Variants in AGAP1 observed in about 807,000 individuals in gnomAD.
AGAP1 encodes the protein ArfGAP with GTPase domain, ankyrin repeat and PH domain 1.
A neutral mutation model predicts 105.3 loss-of-function variants in AGAP1; 29 were observed. The observed-to-expected ratio is 0.28, with a 90% CI of 0.21 to 0.38. The LOEUF (loss-of-function observed/expected upper bound fraction) is 0.38. Ranked by LOEUF, AGAP1 falls within the 10% of genes least tolerant of loss-of-function variation. The pLI is 1.00. For synonymous variants in AGAP1, 509 were observed against 485.9 expected, an observed-to-expected ratio of 1.05 and a Z score of -0.63; for missense variants, 998 against 1,165.1, an observed-to-expected ratio of 0.86 and a Z score of 2.09.
chr2:235,682,715 C>T (rs1949145289), intron 1 of AGAP1, among the ~76,000 whole-genome samples: 1 of 152,050 alleles, frequency 6.6e-6, no homozygotes, highest in Non-Finnish European at 1.5e-5. Context: ...CCTCAGTTTT[C>T]TCACCCGAAA....
At chr2:235,890,453 T>C (rs892896318) in intron 10 of AGAP1, among the ~76,000 whole-genome samples, 1 of 152,210 alleles carries the variant, frequency 6.6e-6, no homozygotes, top group Non-Finnish European at 1.5e-5. Flanking sequence ...TGCCCAGCTG[T>C]GGTTATTCCT....
chr2:235,601,125 C>T lies in AGAP1; in HGVS notation c.163+106276C>T, dbSNP rs1010904580. On this transcript the variant is annotated intron_variant, in intron 1 of 17. Transcript: ENST00000304032. This position sits in a 1 kb window ranked among gnomAD's most constrained non-coding sequence, Gnocchi z 4.4. Reference sequence around the variant, plus strand: ...GCCACTGTGTTAGCTTGGGCTGCCACGACAGAGACCACAGAGTGGGTGGCT... The same window carrying T: ...GCCACTGTGTTAGCTTGGGCTGCCATGACAGAGACCACAGAGTGGGTGGCT... Among the ~76,000 whole-genome samples the T allele has an allele frequency of 1.2e-4, 18 of 152,206 alleles. No individual in the cohort carries two copies. The highest frequency in any genetic ancestry group is 2.4e-4 in the Non-Finnish European group (16 of 68,048).
At chr2:235,548,962 A>G (rs1303517789) in intron 1 of AGAP1, among the ~76,000 whole-genome samples, 2 of 152,184 alleles carry the variant, frequency 1.3e-5, no homozygotes. Context: ...CAGAAAAAGC[A>G]TCTGTACCCC....
At chr2:235,731,445 A>C (rs945791911) in intron 3 of AGAP1, among the ~76,000 whole-genome samples, 1 of 152,196 alleles carries the variant, frequency 6.6e-6, no homozygotes, top group Non-Finnish European at 1.5e-5. Flanking sequence ...TTTATAGGCT[A>C]TTTTGATGTA....
chr2:235,777,253 G>A lies in AGAP1; in HGVS notation c.674-20506G>A, dbSNP rs537258716. Among the ~76,000 whole-genome samples the A allele has an allele frequency of 1.3e-5, 2 of 152,332 alleles. No individual in the cohort carries two copies. Among genetic ancestry groups the A allele is most frequent in the South Asian group, 4.1e-4 (2 of 4,826 alleles). Reference sequence around the variant, plus strand: ...TAATCCCAGCTACTCGGGAGTCTGAGGCAGGAGAATCACTTGAGCCTGGGA... The same window carrying A: ...TAATCCCAGCTACTCGGGAGTCTGAAGCAGGAGAATCACTTGAGCCTGGGA... On this transcript the variant is annotated intron_variant, in intron 6 of 17. Coordinates refer to ENST00000304032, the MANE Select transcript of AGAP1 (RefSeq NM_001037131.3). The surrounding 1 kb of genome is among the most constrained non-coding windows in gnomAD (Gnocchi z 5.1).
Position 235,740,420 on chromosome 2 carries a change from T to C in AGAP1, c.311-543T>C, listed in dbSNP as rs910847681. ...CATCCAGTAGTTTCTGTCTAACCCA[T>C]GTGTAGTAGTGAAGCGTCCCTCCCT... On this transcript the variant is annotated intron_variant, in intron 3 of 17. Transcript: ENST00000304032. The surrounding 1 kb of genome is among the most constrained non-coding windows in gnomAD (Gnocchi z 5.7). 6.6e-6 allele frequency among the ~76,000 whole-genome samples: 1 copy of C among 152,070 alleles called. No homozygotes were observed. Among genetic ancestry groups the C allele is most frequent in the East Asian group, 1.9e-4 (1 of 5,186 alleles).
chr2:235,495,216 C>G (rs1941263879), intron 1 of AGAP1, among the ~76,000 whole-genome samples: 1 of 151,998 alleles, frequency 6.6e-6, no homozygotes, highest in Admixed American at 6.5e-5. Flanking sequence ...GTTACCAGGC[C>G]AGGCCTGGGC....
At chr2:235,943,022 G>A (rs1401475774) in intron 12 of AGAP1, among the ~76,000 whole-genome samples, 1 of 152,214 alleles carries the variant, frequency 6.6e-6, no homozygotes, top group Non-Finnish European at 1.5e-5. Context: ...TCAAATATAT[G>A]TGCTGCTTCT....
In AGAP1 at chr2:235,556,697, TTA is replaced by T. The variant is rs1291916819; in HGVS notation, c.163+61852_163+61853del. 6.6e-6 allele frequency among the ~76,000 whole-genome samples: 1 copy of T among 152,236 alleles called. No individual in the cohort carries two copies. Among genetic ancestry groups the T allele is most frequent in the Non-Finnish European group, 1.5e-5 (1 of 68,044 alleles). On this transcript the variant is annotated intron_variant, in intron 1 of 17. Transcript: ENST00000304032. This position sits in a 1 kb window ranked among gnomAD's most constrained non-coding sequence, Gnocchi z 5.3. ...ATTAACACAAATGAATGTAAGATAG[TTA>T]TATGTGTCTACTGCCTTAGAAAGTA...
chr2:235,896,487 T>C (rs2050812988), intron 10 of AGAP1, among the ~76,000 whole-genome samples: 1 of 152,216 alleles, frequency 6.6e-6, no homozygotes, highest in Non-Finnish European at 1.5e-5. Context: ...ATATTAAACC[T>C]GCCTAACCTT....
At position 235,700,565 on chromosome 2, in the gene AGAP1, C is replaced by G. The variant is rs993978677; in HGVS notation, c.164-8614C>G. On this transcript the variant is annotated intron_variant, in intron 1 of 17. Coordinates refer to ENST00000304032, the MANE Select transcript of AGAP1 (RefSeq NM_001037131.3). This position sits in a 1 kb window ranked among gnomAD's most constrained non-coding sequence, Gnocchi z 6.1. ...TTGTAATCCCAGCACTTTGGGAGGC[C>G]GAGGCAGGTGGATCATTTGAAGTCA... Among the ~76,000 whole-genome samples the G allele has an allele frequency of 6.6e-6, 1 of 151,958 alleles. No homozygotes were observed. Among genetic ancestry groups the G allele is most frequent in the Non-Finnish European group, 1.5e-5 (1 of 68,004 alleles).
intron 9 of AGAP1, among the ~76,000 whole-genome samples, chr2:235,827,402 G>T (rs368446083): frequency 3.3e-5 from 5 of 152,140 alleles, no homozygotes; most frequent in Admixed American, 2.0e-4. Flanking sequence ...GGCTGCCGGC[G>T]TAGCTCCAAG....
chr2:236,079,099 A>G (rs915632237), intron 16 of AGAP1, among the ~76,000 whole-genome samples: 16 of 152,146 alleles, frequency 1.1e-4, no homozygotes, highest in Non-Finnish European at 2.2e-4. Flanking sequence ...CAGGCCTGGC[A>G]TCTAGACAGA....
Position 235,979,718 on chromosome 2 carries a change from A to C in AGAP1, c.1645+11095A>C, listed in dbSNP as rs544139084. 7.2e-5 allele frequency among the ~76,000 whole-genome samples: 11 copies of C among 152,240 alleles called. No individual in the cohort carries two copies. Among genetic ancestry groups the C allele is most frequent in the Non-Finnish European group, 1.2e-4 (8 of 68,044 alleles). ...TCTGTGGGGTAATGGGCTTTGCTGC[A>C]ATATGAAAATCTATCAAATGGGTAA... On this transcript the variant is annotated intron_variant, in intron 13 of 17. Transcript: ENST00000304032. The surrounding 1 kb of genome is among the most constrained non-coding windows in gnomAD (Gnocchi z 4.5).
chr2:235,546,287 C>T (rs1208954458), intron 1 of AGAP1, among the ~76,000 whole-genome samples: 1 of 152,200 alleles, frequency 6.6e-6, no homozygotes, highest in Non-Finnish European at 1.5e-5. Context: ...TCGGGTGCCA[C>T]CTGATGGGGC....
Position 235,790,674 on chromosome 2 carries a change from ATCT to A in AGAP1, c.674-7081_674-7079del, listed in dbSNP as rs1418448479. Among the ~76,000 whole-genome samples, 11 of 152,294 alleles carry A rather than the reference ATCT, an allele frequency of 7.2e-5. No homozygotes were observed. The East Asian group carries it at 2.1e-3, about 29-fold the overall frequency. On this transcript the variant is annotated intron_variant, in intron 6 of 17. Transcript: ENST00000304032. ...TGCATTTCTAGTTGCCTGTTTCAGC[ATCT>A]TCTCCCACTACCTTCTTATAACCTT...
rs1957413133 is a variant in AGAP1, at chr2:235,799,929, C to G, written c.957+407C>G. 6.6e-6 allele frequency among the ~76,000 whole-genome samples: 1 copy of G among 151,988 alleles called. No homozygotes were observed. The stretch of plus-strand genomic sequence containing the variant: ...CCCTCTTCTTCTTCTGCTGGGGTGC[C>G]TGGCGCTGCCCTCGGGGTGGAGGTG... On this transcript the variant is annotated intron_variant, in intron 8 of 17. Transcript: ENST00000304032. This position sits in a 1 kb window ranked among gnomAD's most constrained non-coding sequence, Gnocchi z 5.0.
chr2:236,054,504 G>A (rs955638923), intron 16 of AGAP1, among the ~76,000 whole-genome samples: 5 of 150,870 alleles, frequency 3.3e-5, no homozygotes, highest in Non-Finnish European at 5.9e-5. Flanking sequence ...AAAAAAGGGA[G>A]GGGGAGAAAG....
rs954314556 is a variant in AGAP1, at chr2:235,599,452, G to A, written c.163+104603G>A. On this transcript the variant is annotated intron_variant, in intron 1 of 17. Coordinates refer to ENST00000304032, the MANE Select transcript of AGAP1 (RefSeq NM_001037131.3). This position sits in a 1 kb window ranked among gnomAD's most constrained non-coding sequence, Gnocchi z 5.3. The stretch of plus-strand genomic sequence containing the variant: ...AAGTATTTGCATGAATTAGCCACAC[G>A]CAGAGGGCAGTTATGTGTGATGTGG... Among the ~76,000 whole-genome samples, 4 of 152,126 alleles carry A rather than the reference G, an allele frequency of 2.6e-5. No individual in the cohort carries two copies. The highest frequency in any genetic ancestry group is 1.9e-4 in the East Asian group (1 of 5,176).
Sources: gnomAD v4.1 joint callset for allele counts (sites outside exome capture counted in the v4.1 genomes callset) on GRCh38, gnomAD v4.1.1 for gene constraint, Gnocchi (gnomAD v3.1) non-coding constraint, MANE v1.5 for transcripts, NCBI Gene and HGNC (gene_info 2026-07-23, HGNC 2026-07-21) for gene names.